RBFOX1: variants seen among roughly 807,000 people sequenced by gnomAD.
The protein encoded by RBFOX1 is RNA binding protein fox-1 homolog 1.
A neutral mutation model predicts 57.7 loss-of-function variants in RBFOX1; 8 were observed. The observed-to-expected ratio is 0.14, with a 90% confidence interval of 0.08 to 0.25. The LOEUF (loss-of-function observed/expected upper bound fraction) is 0.25. RBFOX1 is among the 10% of genes least tolerant of loss of function. RBFOX1 has a pLI of 1.00. For synonymous variants in RBFOX1, 326 were observed against 222.4 expected (o/e 1.47, Z -4.15); for missense variants, 611 against 548.5 (o/e 1.11, Z -1.14).
At chr16:7,107,626 C>T (rs1406784124) in intron 4 of RBFOX1, among the ~76,000 whole-genome samples, 6 of 152,076 alleles carry the variant, frequency 3.9e-5, no homozygotes, top group Non-Finnish European at 8.8e-5. Flanking sequence ...ATCCTTCTTT[C>T]CGCTCCTCCC....
At chr16:5,555,376 G>A (rs1369379221) in intron 2 of RBFOX1, among the ~76,000 whole-genome samples, 1 of 151,838 alleles carries the variant, frequency 6.6e-6, no homozygotes, top group African/African-American at 2.4e-5. Flanking sequence ...TCAGCCTCCC[G>A]AGTAGCTGGG....
chr16:6,059,874 T>A (rs1169951838), intron 1 of RBFOX1, among the ~76,000 whole-genome samples: 1 of 152,140 alleles, frequency 6.6e-6, no homozygotes, highest in African/African-American at 2.4e-5. Context: ...CTGAGACCCA[T>A]AATGACTTGA....
At chr16:5,468,943 G>T (rs566665750) in intron 2 of RBFOX1, among the ~76,000 whole-genome samples, 1 of 152,322 alleles carries the variant, frequency 6.6e-6, no homozygotes, top group South Asian at 2.1e-4. Context: ...CTGGGGCTGG[G>T]AACTGAGAAC....
At chr16:6,538,420 A>G (rs1312566522) in intron 2 of RBFOX1, among the ~76,000 whole-genome samples, 4 of 152,196 alleles carry the variant, frequency 2.6e-5, no homozygotes, top group Admixed American at 6.5e-5. Context: ...TGAGCCTGTG[A>G]GGCCGAGGCT....
intron 4 of RBFOX1, among the ~76,000 whole-genome samples, chr16:5,919,947 C>T (rs949920714): frequency 6.6e-6 from 1 of 150,876 alleles, no homozygotes; most frequent in African/African-American, 2.5e-5. Context: ...ATCAGTACTT[C>T]CATTTTTTTT....
At chr16:7,411,606 A>G (rs1010777181) in intron 4 of RBFOX1, among the ~76,000 whole-genome samples, 1 of 152,174 alleles carries the variant, frequency 6.6e-6, no homozygotes, top group South Asian at 2.1e-4. Flanking sequence ...AAGGTGATCA[A>G]AGACGGGGAA....
chr16:5,745,790 T>G (rs2052957655), intron 3 of RBFOX1, among the ~76,000 whole-genome samples: 1 of 152,194 alleles, frequency 6.6e-6, no homozygotes, highest in Admixed American at 6.5e-5. Context: ...GATGGGGTTG[T>G]TTTTTTCTTG....
chr16:6,234,866 C>T (rs1221726078), intron 1 of RBFOX1, among the ~76,000 whole-genome samples: 2 of 152,082 alleles, frequency 1.3e-5, no homozygotes, highest in Non-Finnish European at 2.9e-5. Flanking sequence ...TGAACAAGGT[C>T]TGTAGATTGC....
chr16:7,567,670 TATATGGCCCTATATAG>T lies in RBFOX1; in HGVS notation c.271-12102_271-12087del, dbSNP rs1452304925. Reference sequence around the variant, plus strand: ...ATGGCCCTATATATATATATCCCTATATATGGCCCTATATAGATATATATCCCTATATATAATCCCT... The same window carrying T: ...ATGGCCCTATATATATATATCCCTATATATATATCCCTATATATAATCCCT... On this transcript the variant is annotated intron_variant, in intron 5 of 15. Transcript: ENST00000550418. Among the ~76,000 whole-genome samples, 129 of 139,496 alleles carry T rather than the reference TATATGGCCCTATATAG, an allele frequency of 9.2e-4. 2 individuals carry two copies. Among genetic ancestry groups the T allele is most frequent in the East Asian group, 1.5e-3 (7 of 4,790 alleles). 91.5% of individuals were successfully genotyped at this position (139,496 alleles called of 152,430 possible).
intron 1 of RBFOX1, among the ~76,000 whole-genome samples, chr16:5,355,199 C>G (rs145342839): frequency 6.6e-6 from 1 of 152,112 alleles, no homozygotes; most frequent in Non-Finnish European, 1.5e-5. Flanking sequence ...GTGAGTTTCC[C>G]AAACTTGCAT....
At chr16:5,487,627 G>A (rs886699643) in intron 2 of RBFOX1, among the ~76,000 whole-genome samples, 1 of 152,232 alleles carries the variant, frequency 6.6e-6, no homozygotes, top group Non-Finnish European at 1.5e-5. Flanking sequence ...ATGCTTTAAT[G>A]TACTTGAGAC....
At chr16:6,389,479 C>T (rs1437558392) in intron 2 of RBFOX1, among the ~76,000 whole-genome samples, 1 of 152,108 alleles carries the variant, frequency 6.6e-6, no homozygotes, top group Non-Finnish European at 1.5e-5. Flanking sequence ...CACCTGGTTT[C>T]TGAAATACTA....
intron 4 of RBFOX1, among the ~76,000 whole-genome samples, chr16:7,274,979 T>A (rs2095412538): frequency 6.6e-6 from 1 of 152,156 alleles, no homozygotes; most frequent in African/African-American, 2.4e-5. Context: ...TCACTGCACC[T>A]GCCCAAAAGC....
At chr16:7,223,565 A>C (rs1445050379) in intron 4 of RBFOX1, among the ~76,000 whole-genome samples, 2 of 152,176 alleles carry the variant, frequency 1.3e-5, no homozygotes, top group Non-Finnish European at 2.9e-5. Context: ...CACAGCCAGT[A>C]ATTGTGCAGG....
At chr16:7,442,946 A>G (rs2098780332) in intron 4 of RBFOX1, among the ~76,000 whole-genome samples, 1 of 152,152 alleles carries the variant, frequency 6.6e-6, no homozygotes, top group Non-Finnish European at 1.5e-5. Context: ...CTTTTGTGGA[A>G]CTCAAGCCAT....
chr16:5,649,411 C>A (rs377283780), intron 3 of RBFOX1, among the ~76,000 whole-genome samples: 2 of 152,140 alleles, frequency 1.3e-5, no homozygotes, highest in African/African-American at 4.8e-5. Flanking sequence ...CTCAGGTGAT[C>A]CACCTGCCTC....
chr16:7,670,792 A>T (rs887059482), intron 13 of RBFOX1, among the ~76,000 whole-genome samples: 1 of 152,196 alleles, frequency 6.6e-6, no homozygotes. Flanking sequence ...CTAGAATTGG[A>T]GAATTTTATT....
At chr16:6,011,496 T>C in intron 4 of RBFOX1, among the ~76,000 whole-genome samples, 1 of 152,196 alleles carries the variant, frequency 6.6e-6, no homozygotes, top group East Asian at 1.9e-4. Context: ...ATTTACTTAT[T>C]TTCCTCTGAG....
rs536197763 is a variant in RBFOX1, at chr16:7,273,018, C to G, written c.27+220920C>G. 1.2e-3 allele frequency among the ~76,000 whole-genome samples: 166 copies of G among 133,922 alleles called. 2 individuals are homozygous for G. Among genetic ancestry groups the G allele is most frequent in the African/African-American group, 4.5e-3 (157 of 34,568 alleles). The allele number at this position is 133,922 out of a possible 152,430, so 87.9% of individuals were successfully genotyped here. On this transcript the variant is annotated intron_variant, in intron 4 of 15. Transcript: ENST00000550418. Reference sequence around the variant, plus strand: ...CCCTTCCTTCCTCCCTTCCTTTCTGCCTTCCTTCCTTTTCTTTCCTTCCCC... The same window carrying G: ...CCCTTCCTTCCTCCCTTCCTTTCTGGCTTCCTTCCTTTTCTTTCCTTCCCC...
Sources: allele counts gnomAD v4.1 joint callset (sites outside exome capture counted in the v4.1 genomes callset), GRCh38; gene constraint gnomAD v4.1.1; transcripts MANE v1.5; gene names NCBI Gene and HGNC (gene_info 2026-07-23, HGNC 2026-07-21).